The following KIF20A variants were observed in gnomAD, a reference collection of about 807,000 sequenced individuals.
The protein encoded by KIF20A is kinesin-like protein KIF20A.
In KIF20A, 66 loss-of-function variants were observed where a neutral mutation model predicts 113.0. The observed-to-expected ratio is 0.58, with a 90% CI of 0.48 to 0.72. KIF20A has a LOEUF of 0.72. KIF20A is among the 30% of genes least tolerant of loss of function. KIF20A has a pLI of 0.00. For synonymous variants in KIF20A, 376 were observed against 402.3 expected (o/e 0.93, Z 0.78); for missense variants, 927 against 1,077.6 (o/e 0.86, Z 1.96).
intron 4 of KIF20A, 84 bp from the exon 5 acceptor site, chr5:138,182,239 A>C: frequency 1.3e-6 from 2 of 1,485,406 alleles, no homozygotes; most frequent in Non-Finnish European, 1.8e-6. Flanking sequence ...CCAACCACTC[A>C]GGAAGGAATA....
chr5:138,185,771 C>T, intron 16 of KIF20A, 61 bp downstream of exon 16: 1 of 1,559,692 alleles, frequency 6.4e-7, no homozygotes, highest in Non-Finnish European at 8.8e-7. Context: ...TTACTTAAAC[C>T]CAGGCCTTCT....
At chr5:138,179,902 T>C (rs1398070529) in intron 2 of KIF20A, 57 bp downstream of exon 2, 1 of 1,568,838 alleles carries the variant, frequency 6.4e-7, no homozygotes, top group Non-Finnish European at 8.7e-7. Context: ...CCAATAATTG[T>C]CCATACAGGG....
At chr5:138,179,936 A>G (rs542643196) in intron 2 of KIF20A, 91 bp downstream of exon 2, 1 of 1,313,980 alleles carries the variant, frequency 7.6e-7, no homozygotes, top group Admixed American at 2.4e-5. Flanking sequence ...AAGACTAGCA[A>G]TCCTAAAGGT....
chr5:138,185,019 G>A (rs1581479354), intron 14 of KIF20A, 73 bp downstream of exon 14: 2 of 1,597,324 alleles, frequency 1.3e-6, no homozygotes, highest in East Asian at 4.5e-5. Context: ...AGGTGGAGTT[G>A]TGCCTCAAGA....
chr5:138,186,119 T>A, intron 17 of KIF20A, 67 bp downstream of exon 17: 1 of 1,514,272 alleles, frequency 6.6e-7, no homozygotes, highest in Non-Finnish European at 9.2e-7. Flanking sequence ...CAACACTCTA[T>A]CACTGGTTCA....
In KIF20A at chr5:138,187,196, A is replaced by G; in HGVS notation, c.2456A>G (p.Lys819Arg). The change falls in exon 19 of 19, where the codon AAA (lysine) becomes AGA (arginine). Residue 819 changes from lysine to arginine, a missense_variant. Lys to Arg is a conservative substitution (Grantham distance 26). Transcript: ENST00000394894. The part of the protein sequence containing the change: ...CIAEQYHTVL[K>R]LQGQVSAKKR... ...GCTGAGCAGTATCATACTGTGTTGA[A>G]ACTCCAAGGCCAGGTTTCTGCCAAA... 5.0e-6 allele frequency: 8 copies of G among 1,614,184 alleles called. No individual in the cohort carries two copies. Among genetic ancestry groups the G allele is most frequent in the South Asian group, 1.1e-5 (1 of 91,080 alleles).
rs753627350 is a variant in KIF20A, at chr5:138,187,116, G to A, written c.2376G>A (p.Leu792=). ...CTTAGGACCAGACTCTGGCTGAACT[G>A]CAGAACAACATGGTGCTAGTGAAAC... is the stretch of plus-strand genomic sequence containing the variant. The part of the protein sequence containing the change: ...LIKQDQTLAE[L]QNNMVLVKLD... The change falls in exon 19 of 19, where the codon CTG becomes CTA. Residue 792 remains leucine (L), a synonymous_variant. Transcript: ENST00000394894. 15 of 1,610,424 alleles carry A rather than the reference G, an allele frequency of 9.3e-6. No homozygotes were observed. The South Asian group carries it at 1.6e-4, about 18-fold the overall frequency.
In KIF20A at chr5:138,187,560, A is replaced by ATT; in HGVS notation, c.*148_*149dup. On this transcript the variant is annotated 3_prime_UTR_variant, in exon 19 of 19. Transcript: ENST00000394894. ...ACACTAGCTTTTTTCTCACTTTTGT[A>ATT]TTATAACCACCTATGTAATCTCATG... 1.6e-6 allele frequency: 1 copy of ATT among 635,990 alleles called. No homozygotes were observed. The highest frequency in any genetic ancestry group is 2.6e-6 in the Non-Finnish European group (1 of 379,376). The allele number at this position is 635,990 out of a possible 1,614,324, so 39.4% of individuals were successfully genotyped here.
chr5:138,182,827 G>A (rs1754682656), intron 6 of KIF20A, 34 bp from the exon 7 acceptor site: 1 of 1,613,844 alleles, frequency 6.2e-7, no homozygotes, highest in African/African-American at 1.3e-5. Flanking sequence ...TCTCGGGGAA[G>A]TTTTGTGCTT....
In KIF20A at chr5:138,186,309, C is replaced by T. The variant is rs758407494; in HGVS notation, c.2233C>T (p.Arg745Trp). The change falls in exon 18 of 19, where the codon CGG becomes TGG. Residue 745 changes from arginine to tryptophan, a missense_variant. By Grantham distance (101) the Arg-to-Trp change is moderately radical. Coordinates refer to ENST00000394894, the MANE Select transcript of KIF20A (RefSeq NM_005733.3). The part of the protein sequence containing the change: ...EEGQKNIRLL[R>W]TELQKLGESL... ...CCTTTTTCAGAATATAAGGCTGTTG[C>T]GGACAGAGCTTCAGAAACTTGGTGA... is the stretch of plus-strand genomic sequence containing the variant. 7.5e-6 allele frequency: 12 copies of T among 1,596,272 alleles called. No homozygotes were observed. The highest frequency in any genetic ancestry group is 1.7e-4 in the Middle Eastern group (1 of 5,980).
chr5:138,181,105 G>A (rs1263899806), intron 2 of KIF20A, among the ~76,000 whole-genome samples: 1 of 152,244 alleles, frequency 6.6e-6, no homozygotes, highest in Non-Finnish European at 1.5e-5. Flanking sequence ...ATGGAATTGG[G>A]ACTCAAATTC....
At chr5:138,179,891 G>C in intron 2 of KIF20A, 46 bp downstream of exon 2, 1 of 1,592,358 alleles carries the variant, frequency 6.3e-7, no homozygotes, top group Non-Finnish European at 8.6e-7. Context: ...ATATCCTCAG[G>C]CCAATAATTG....
intron 17 of KIF20A, 70 bp from the exon 18 acceptor site, chr5:138,186,224 A>G: frequency 1.3e-6 from 2 of 1,556,658 alleles, no homozygotes; most frequent in Middle Eastern, 3.5e-4. Flanking sequence ...TCAAATGGCT[A>G]CCTGACCCCT....
At chr5:138,179,578 C>A in intron 1 of KIF20A, 82 bp from the exon 2 acceptor site, 1 of 1,089,718 alleles carries the variant, frequency 9.2e-7, no homozygotes, top group Non-Finnish European at 1.4e-6. Flanking sequence ...TGTCCTGGGG[C>A]AAGGGACTTA....
intron 16 of KIF20A, 101 bp from the exon 17 acceptor site, chr5:138,185,860 C>A: frequency 7.6e-7 from 1 of 1,321,258 alleles, no homozygotes; most frequent in Non-Finnish European, 1.1e-6. Flanking sequence ...CATAGCCTCA[C>A]TTTTTATATT....
Position 138,179,843 on chromosome 5 carries a change from C to A in KIF20A, c.163C>A (p.Gln55Lys), listed in dbSNP as rs1208285917. ...CTCTACCTCCCTAGAGGACAAGCAG[C>A]AGGTAAAGGAACTGGGGAGTGGCTG... ...VVSTSLEDKQ[Q>K]VPSEDSMEKV... The change falls in exon 2 of 19, where the codon CAG becomes AAG. Residue 55 changes from glutamine (Q) to lysine (K), a missense_variant and splice_region_variant. Gln to Lys is a moderately conservative substitution (Grantham distance 53, BLOSUM62 1). Transcript: ENST00000394894. 1.2e-6 allele frequency: 2 copies of A among 1,613,734 alleles called. No individual in the cohort carries two copies. Among genetic ancestry groups the A allele is most frequent in the Non-Finnish European group, 1.7e-6 (2 of 1,179,954 alleles).
rs1165814635 is a variant in KIF20A, at chr5:138,183,732, G to A, written c.1184G>A (p.Gly395Glu). 6.2e-7 allele frequency: 1 copy of A among 1,613,816 alleles called. No individual in the cohort carries two copies. Among genetic ancestry groups the A allele is most frequent in the Non-Finnish European group, 8.5e-7 (1 of 1,179,824 alleles). The change falls in exon 10 of 19, where the codon GGA (glycine) becomes GAA (glutamate). Residue 395 changes from glycine (G) to glutamate (E), a missense_variant. Transcript: ENST00000394894. The surrounding 1 kb of genome is among the most constrained non-coding windows in gnomAD (Gnocchi z 5.2). ...AGGATCCTACACCTTCAGGGGGAAG[G>A]AGATATAGTCCCCAAGATCAGCGAG... ...SIRILHLQGE[G>E]DIVPKISELS...
intron 18 of KIF20A, 72 bp from the exon 19 acceptor site, chr5:138,187,024 T>A: frequency 8.7e-7 from 1 of 1,146,604 alleles, no homozygotes; most frequent in Non-Finnish European, 1.2e-6. Context: ...TGGTATGTAT[T>A]ACCCTTAGCC....
rs541614790 is a variant in KIF20A, at chr5:138,183,510, G to A, written c.1068G>A (p.Trp356Ter). The A allele has an allele frequency of 1.2e-6, 2 of 1,614,106 alleles. No homozygotes were observed. Among genetic ancestry groups the A allele is most frequent in the South Asian group, 2.2e-5 (2 of 91,078 alleles). ...ATGTGCAAGATGCTGAGGAGGCCTG[G>A]AAGCTCCTAAAAGTGGGTCGTAAGA... is the stretch of plus-strand genomic sequence containing the variant. The part of the protein sequence containing the change: ...WIHVQDAEEA[W>*]KLLKVGRKNQ... The change falls in exon 9 of 19, where the codon TGG becomes TGA. Residue 356 changes from tryptophan to a stop codon, truncating the protein, a stop_gained. Transcript: ENST00000394894. LOFTEE classifies it high-confidence loss of function. The surrounding 1 kb of genome is among the most constrained non-coding windows in gnomAD (Gnocchi z 5.2).
Sources: gnomAD v4.1 joint callset for allele counts (sites outside exome capture counted in the v4.1 genomes callset) on GRCh38, gnomAD v4.1.1 for gene constraint, Gnocchi (gnomAD v3.1) non-coding constraint, MANE v1.5 for transcripts, NCBI Gene and HGNC (gene_info 2026-07-23, HGNC 2026-07-21) for gene names.